The following FERMT2 variants were observed in gnomAD, a reference collection of about 807,000 sequenced individuals.
FERMT2 encodes the protein fermitin family homolog 2.
A neutral mutation model predicts 82.7 loss-of-function variants in FERMT2; 15 were observed. The observed-to-expected ratio is 0.18, with a 90% CI of 0.12 to 0.28. The LOEUF is 0.28. FERMT2 is among the 10% of genes least tolerant of loss of function. The probability of loss-of-function intolerance (pLI) is 1.00; values close to 1 mark genes in which losing one functional copy is unlikely to be tolerated. For missense variants in FERMT2, 645 were observed against 809.4 expected (o/e 0.80, Z 2.46); for synonymous variants, 274 against 271.5 (o/e 1.01, Z -0.09).
intron 2 of FERMT2, among the ~76,000 whole-genome samples, chr14:52,944,932 C>T (rs185429859): frequency 6.6e-6 from 1 of 152,008 alleles, no homozygotes; most frequent in East Asian, 1.9e-4. Context: ...CAGAGTCTTG[C>T]TCTGTTGCCC....
chr14:52,887,165 T>G (rs1358380232), intron 4 of FERMT2, among the ~76,000 whole-genome samples: 2 of 151,182 alleles, frequency 1.3e-5, no homozygotes, highest in Admixed American at 1.3e-4. Context: ...AGATGGAGTC[T>G]CGCTCTGTCG....
chr14:52,909,205 T>C (rs11848745), intron 3 of FERMT2, among the ~76,000 whole-genome samples: 8,531 of 152,244 alleles, frequency 0.056, 689 homozygotes, highest in African/African-American at 0.18. Context: ...AAAATGCTCA[T>C]TGGAGCATTT....
rs907769794 is a variant in FERMT2, at chr14:52,902,661, G to A, written c.392-9234C>T. The stretch of plus-strand genomic sequence containing the variant: ...AGGCGGGTGGATTACCCAAAGTCAG[G>A]AATTCGAGACCAGCCTGGGCAACAT... On this transcript the variant is annotated intron_variant, in intron 3 of 14. Coordinates refer to ENST00000341590, the MANE Select transcript of FERMT2 (RefSeq NM_006832.3). 2.0e-5 allele frequency among the ~76,000 whole-genome samples: 3 copies of A among 151,352 alleles called. No homozygotes were observed. In the East Asian group the frequency reaches 5.8e-4, roughly 29 times the overall value.
chr14:52,857,655 A>G lies in FERMT2; in HGVS notation c.*722T>C, dbSNP rs992084156. On this transcript the variant is annotated 3_prime_UTR_variant, in exon 15 of 15. Transcript: ENST00000341590. ...AATTTTATAAAATTTGTGTTTTTAC[A>G]TTAGTTACACAAAATGCATACTTCA... 1 of 152,676 alleles carries G rather than the reference A, an allele frequency of 6.5e-6. No homozygotes were observed. Among genetic ancestry groups the G allele is most frequent in the African/African-American group, 2.4e-5 (1 of 41,468 alleles). 9.5% of individuals were successfully genotyped at this position (152,676 alleles called of 1,614,324 possible).
At chr14:52,939,042 G>A (rs540508523) in intron 2 of FERMT2, among the ~76,000 whole-genome samples, 1 of 151,550 alleles carries the variant, frequency 6.6e-6, no homozygotes, top group African/African-American at 2.4e-5. Flanking sequence ...TCCTAATATG[G>A]TAAAGAGTAT....
intron 2 of FERMT2, among the ~76,000 whole-genome samples, chr14:52,943,510 T>C (rs746000948): frequency 3.3e-5 from 5 of 152,206 alleles, no homozygotes; most frequent in African/African-American, 1.2e-4. Context: ...AAGGCCATTA[T>C]TGGGACAACT....
intron 7 of FERMT2, among the ~76,000 whole-genome samples, chr14:52,876,462 C>A (rs1443882194): frequency 1.3e-5 from 2 of 152,052 alleles, no homozygotes; most frequent in Non-Finnish European, 2.9e-5. Context: ...TGGGGTCCAG[C>A]CTGGAATCTG....
At chr14:52,902,565 G>T (rs1039301355) in intron 3 of FERMT2, among the ~76,000 whole-genome samples, 1 of 151,280 alleles carries the variant, frequency 6.6e-6, no homozygotes, top group African/African-American at 2.4e-5. Context: ...CATCCAGATA[G>T]AAATATAAAA....
chr14:52,885,163 A>C (rs1431881793), intron 4 of FERMT2, among the ~76,000 whole-genome samples: 1 of 151,514 alleles, frequency 6.6e-6, no homozygotes, highest in Admixed American at 6.6e-5. Flanking sequence ...AAATACAAAA[A>C]TTAGCCAGGC....
intron 3 of FERMT2, among the ~76,000 whole-genome samples, chr14:52,916,759 T>C (rs924386224): frequency 2.0e-5 from 3 of 152,126 alleles, no homozygotes; most frequent in African/African-American, 4.8e-5. Context: ...ACTTTGAGAG[T>C]AGGGAAGGTT....
chr14:52,911,044 T>C (rs1028915271), intron 3 of FERMT2, among the ~76,000 whole-genome samples: 4 of 152,174 alleles, frequency 2.6e-5, no homozygotes, highest in Non-Finnish European at 2.9e-5. Flanking sequence ...CAGTGTTCAG[T>C]TTCAGTGGTG....
chr14:52,948,236 TAAGTCAGGG>T, intron 2 of FERMT2, among the ~76,000 whole-genome samples: 1 of 152,244 alleles, frequency 6.6e-6, no homozygotes, highest in East Asian at 1.9e-4. Context: ...TTCAGTGACA[TAAGTCAGGG>T]CTTCAGAAGG....
At chr14:52,862,927 CG>C (rs1393692343) in intron 12 of FERMT2, 1 of 152,164 alleles carries the variant, frequency 6.6e-6, no homozygotes, top group Non-Finnish European at 1.5e-5. Flanking sequence ...TGGCAGCTCT[CG>C]TTTAAGCTCT....
intron 3 of FERMT2, among the ~76,000 whole-genome samples, chr14:52,902,816 C>T (rs1225139596): frequency 1.6e-5 from 2 of 127,448 alleles, no homozygotes; most frequent in African/African-American, 5.9e-5. Flanking sequence ...CTGCAGTGAG[C>T]TGGGGTCACA....
At position 52,943,116 on chromosome 14, in the gene FERMT2, G is replaced by A. The variant is rs546271624; in HGVS notation, c.157+7296C>T. Among the ~76,000 whole-genome samples the A allele has an allele frequency of 9.6e-4, 142 of 147,730 alleles. 3 individuals are homozygous for A. Among genetic ancestry groups the A allele is most frequent in the Non-Finnish European group, 1.8e-3 (119 of 66,910 alleles). On this transcript the variant is annotated intron_variant, in intron 2 of 14. Coordinates refer to ENST00000341590, the MANE Select transcript of FERMT2 (RefSeq NM_006832.3). ...CCAGCTACTTGGGAGGCTGAGGCAG[G>A]AGAATCACTTGAACTTGGGAGGCGG...
intron 12 of FERMT2, 78 bp downstream of exon 12, chr14:52,864,323 A>C: frequency 1.9e-6 from 2 of 1,036,352 alleles, no homozygotes; most frequent in Non-Finnish European, 2.9e-6. Flanking sequence ...AGTTTTGTTT[A>C]AGAGGGGAAA....
chr14:52,858,146 T>G lies in FERMT2; in HGVS notation c.*231A>C. On this transcript the variant is annotated 3_prime_UTR_variant, in exon 15 of 15. Transcript: ENST00000341590. ...CCTGATTTGCCCACTATTTCAGTTT[T>G]CAATTCATGGCCCTAAGGAATGTGT... 2 of 466,742 alleles carry G rather than the reference T, an allele frequency of 4.3e-6. No homozygotes were observed. The highest frequency in any genetic ancestry group is 7.7e-6 in the Non-Finnish European group (2 of 259,330). 28.9% of individuals were successfully genotyped at this position (466,742 alleles called of 1,614,324 possible). A position where few individuals can be genotyped will look rare whatever the true frequency, so the allele number is the denominator to read the frequency against.
intron 2 of FERMT2, among the ~76,000 whole-genome samples, chr14:52,935,468 A>G (rs1566760335): frequency 6.6e-6 from 1 of 152,128 alleles, no homozygotes; most frequent in Non-Finnish European, 1.5e-5. Flanking sequence ...CAAGTCATGG[A>G]GGTGGAGTGC....
intron 2 of FERMT2, among the ~76,000 whole-genome samples, chr14:52,923,719 C>A (rs906859175): frequency 6.6e-6 from 1 of 151,766 alleles, no homozygotes; most frequent in Non-Finnish European, 1.5e-5. Flanking sequence ...AAAATAAGCT[C>A]TCTTACTGAC....
Sources: gnomAD v4.1 joint callset for allele counts (sites outside exome capture counted in the v4.1 genomes callset) on GRCh38, gnomAD v4.1.1 for gene constraint, MANE v1.5 for transcripts, NCBI Gene and HGNC (gene_info 2026-07-23, HGNC 2026-07-21) for gene names.